PCDHB9: variants seen among roughly 807,000 people sequenced by gnomAD.
PCDHB9 encodes protocadherin beta-9.
For synonymous variants in PCDHB9, 501 were observed against 439.7 expected (o/e 1.14, Z -1.75); for missense variants, 1,072 against 995.1 (o/e 1.08, Z -1.04).
Position 141,189,677 on chromosome 5 carries a change from T to G in PCDHB9, c.2359T>G (p.Ser787Ala). ...GGGTGGGAAAGAAATAGAGGAAAATTCTACTCTCCCCAATAGCTTTGGATT... is the reference window on the plus strand; with the variant it reads ...GGGTGGGAAAGAAATAGAGGAAAATGCTACTCTCCCCAATAGCTTTGGATT... ...HRGGKEIEEN[S>A]TLPNSFGFNY Residue 787 changes from serine (S) to alanine (A), a missense_variant, in exon 1 of 1, where the codon TCT becomes GCT. Physicochemically the swap from Ser to Ala is moderately conservative, Grantham distance 99. Coordinates refer to ENST00000316105, the MANE Select transcript of PCDHB9 (RefSeq NM_019119.5). The G allele has an allele frequency of 6.2e-7, 1 of 1,610,554 alleles. No individual in the cohort carries two copies. The highest frequency in any genetic ancestry group is 8.5e-7 in the Non-Finnish European group (1 of 1,178,224).
Position 141,189,633 on chromosome 5 carries a change from C to T in PCDHB9, c.2315C>T (p.Pro772Leu). 1 of 1,614,090 alleles carries T rather than the reference C, an allele frequency of 6.2e-7. No individual in the cohort carries two copies. The highest frequency in any genetic ancestry group is 8.5e-7 in the Non-Finnish European group (1 of 1,180,022). The change falls in exon 1 of 1, where the codon CCC (proline) becomes CTC (leucine). Residue 772 changes from proline to leucine, a missense_variant. Transcript: ENST00000316105. ...GEFKFLKPIT[P>L]HLPPHRGGKE... ...TTCAAGTTCTTGAAGCCGATTACCC[C>T]CCACCTCCCGCCCCATAGGGGTGGG...
In PCDHB9 at chr5:141,189,998, A is replaced by G. The variant is rs992872053; in HGVS notation, c.*286A>G. 2 of 276,358 alleles carry G rather than the reference A, an allele frequency of 7.2e-6. No individual in the cohort carries two copies. Among genetic ancestry groups the G allele is most frequent in the Non-Finnish European group, 6.7e-6 (1 of 149,468 alleles). 17.1% of individuals were successfully genotyped at this position (276,358 alleles called of 1,614,324 possible). ...TTGACTTTAAATTCATTGCCTCTAC[A>G]TTATTCATTAGTTCTTCTTTTCCTA... On this transcript the variant is annotated 3_prime_UTR_variant, in exon 1 of 1. Transcript: ENST00000316105.
chr5:141,187,960 G>C lies in PCDHB9; in HGVS notation c.642G>C (p.Ala214=), dbSNP rs782456111. Reference sequence around the variant, plus strand: ...AAGAGCTCAGCTTAACCCTCACAGCGCTGGATGGTGGGTCTCCATCCAGGT... The same window carrying C: ...AAGAGCTCAGCTTAACCCTCACAGCCCTGGATGGTGGGTCTCCATCCAGGT... ...EQEELSLTLT[A]LDGGSPSRSG... is the part of the protein sequence containing the mutation. Residue 214 remains alanine (A), a synonymous_variant, in exon 1 of 1, where the codon GCG becomes GCC. Transcript: ENST00000316105. The C allele has an allele frequency of 1.2e-5, 19 of 1,614,024 alleles. No homozygotes were observed. The African/African-American group carries it at 1.9e-4, about 16-fold the overall frequency.
Position 141,188,399 on chromosome 5 carries a change from C to G in PCDHB9, c.1081C>G (p.Pro361Ala), listed in dbSNP as rs17844514. 1.2e-6 allele frequency: 2 copies of G among 1,613,990 alleles called. No individual in the cohort carries two copies. The highest frequency in any genetic ancestry group is 1.3e-5 in the African/African-American group (1 of 74,920). Residue 361 changes from proline to alanine, a missense_variant, in exon 1 of 1, where the codon CCT becomes GCT. Physicochemically the swap from Pro to Ala is conservative, Grantham distance 27. Coordinates refer to ENST00000316105, the MANE Select transcript of PCDHB9 (RefSeq NM_019119.5). The part of the protein sequence containing the change: ...SLSNSVAENS[P>A]GIVLAVFKIK... The stretch of plus-strand genomic sequence containing the variant: ...TTCCAACTCTGTTGCTGAAAACTCT[C>G]CTGGGATAGTATTGGCTGTTTTTAA...
In PCDHB9 at chr5:141,187,244, C is replaced by G; in HGVS notation, c.-75C>G. 1.4e-6 allele frequency: 2 copies of G among 1,448,220 alleles called. No individual in the cohort carries two copies. Among genetic ancestry groups the G allele is most frequent in the Non-Finnish European group, 9.4e-7 (1 of 1,059,574 alleles). 89.7% of individuals were successfully genotyped at this position (1,448,220 alleles called of 1,614,324 possible). On this transcript the variant is annotated 5_prime_UTR_variant, in exon 1 of 1. Transcript: ENST00000316105. Reference sequence around the variant, plus strand: ...TTAAAAACCCTAGATCTCTGGTACACATAAGTCTGGGTTTGCGATTGCTAT... The same window carrying G: ...TTAAAAACCCTAGATCTCTGGTACAGATAAGTCTGGGTTTGCGATTGCTAT...
In PCDHB9 at chr5:141,187,420, G is replaced by A; in HGVS notation, c.102G>A (p.Ser34=). The A allele has an allele frequency of 6.2e-7, 1 of 1,614,008 alleles. No individual in the cohort carries two copies. The highest frequency in any genetic ancestry group is 8.5e-7 in the Non-Finnish European group (1 of 1,179,998). ...CAGGTTCTGGGTTTGGACGTTATTCGGTGACTGAGGAAACAGAGAAAGGAT... is the reference window on the plus strand; with the variant it reads ...CAGGTTCTGGGTTTGGACGTTATTCAGTGACTGAGGAAACAGAGAAAGGAT... ...SLAGSGFGRY[S]VTEETEKGSF... The change falls in exon 1 of 1, where the codon TCG becomes TCA. Residue 34 remains serine, a synonymous_variant. Coordinates refer to ENST00000316105, the MANE Select transcript of PCDHB9 (RefSeq NM_019119.5).
Position 141,188,359 on chromosome 5 carries a change from G to A in PCDHB9, c.1041G>A (p.Leu347=). ...VLDSNDNPPE[L]IISSLSNSVA... Reference sequence around the variant, plus strand: ...ATTCCAATGACAATCCTCCTGAACTGATCATATCATCACTTTCCAACTCTG... The same window carrying A: ...ATTCCAATGACAATCCTCCTGAACTAATCATATCATCACTTTCCAACTCTG... The change falls in exon 1 of 1, where the codon CTG becomes CTA. Residue 347 remains leucine, a synonymous_variant. Transcript: ENST00000316105. 1 of 1,614,136 alleles carries A rather than the reference G, an allele frequency of 6.2e-7. No homozygotes were observed. Among genetic ancestry groups the A allele is most frequent in the Non-Finnish European group, 8.5e-7 (1 of 1,180,022 alleles).
chr5:141,189,353 G>A lies in PCDHB9; in HGVS notation c.2035G>A (p.Ala679Thr), dbSNP rs551882404. The stretch of plus-strand genomic sequence containing the variant: ...CCTGCCTCTCCCGGAGGCGGCCCCG[G>A]CCCAGGCCCAGGCCGACTTGCTCAC... Reference protein sequence around the residue: ...PYLPLPEAAPAQAQADLLTVY... With the variant: ...PYLPLPEAAPTQAQADLLTVY... Residue 679 changes from alanine (A) to threonine (T), a missense_variant, in exon 1 of 1, where the codon GCC becomes ACC. Physicochemically the swap from Ala to Thr is moderately conservative, Grantham distance 58 (BLOSUM62 0). Coordinates refer to ENST00000316105, the MANE Select transcript of PCDHB9 (RefSeq NM_019119.5). 4.8e-5 allele frequency: 78 copies of A among 1,611,322 alleles called. No homozygotes were observed. The highest frequency in any genetic ancestry group is 3.8e-4 in the Middle Eastern group (2 of 5,252).
rs782716528 is a variant in PCDHB9 at position 141,188,099 on chromosome 5, A to G, written c.781A>G (p.Ile261Val). ...APENSPVGSL[I>V]VKVSAGDADS... is the part of the protein sequence containing the mutation. ...AGAAAACAGTCCAGTAGGGTCCCTTATTGTTAAAGTGTCTGCAGGAGATGC... is the reference window on the plus strand; with the variant it reads ...AGAAAACAGTCCAGTAGGGTCCCTTGTTGTTAAAGTGTCTGCAGGAGATGC... Residue 261 changes from isoleucine (I) to valine (V), a missense_variant, in exon 1 of 1, where the codon ATT (isoleucine) becomes GTT (valine). Physicochemically the swap from Ile to Val is conservative, Grantham distance 29 (BLOSUM62 3). Coordinates refer to ENST00000316105, the MANE Select transcript of PCDHB9 (RefSeq NM_019119.5). 2.5e-6 allele frequency: 4 copies of G among 1,613,414 alleles called. No individual in the cohort carries two copies. The Admixed American group carries it at 5.0e-5, about 20-fold the overall frequency.
rs925761501 is a variant in PCDHB9 at position 141,190,045 on chromosome 5, A to C, written c.*333A>C. 4.9e-6 allele frequency: 1 copy of C among 204,122 alleles called. No individual in the cohort carries two copies. The highest frequency in any genetic ancestry group is 9.7e-6 in the Non-Finnish European group (1 of 103,048). 12.6% of individuals were successfully genotyped at this position (204,122 alleles called of 1,614,324 possible). On this transcript the variant is annotated 3_prime_UTR_variant, in exon 1 of 1. Coordinates refer to ENST00000316105, the MANE Select transcript of PCDHB9 (RefSeq NM_019119.5). ...CCTAAAACTTTTTACTTGTTAAAAT[A>C]GTCTGCTGCATGTAATATGTGCTTT...
In PCDHB9 at chr5:141,188,248, G is replaced by A. The variant is rs1753790315; in HGVS notation, c.930G>A (p.Glu310=). The stretch of plus-strand genomic sequence containing the variant: ...TTCTCAGAGAATTGCTTGATTATGA[G>A]TTAGTAAATTCTTACAAAATAAATA... ...EIFLRELLDY[E]LVNSYKINIQ... is the part of the protein sequence containing the mutation. The change falls in exon 1 of 1, where the codon GAG becomes GAA. Residue 310 remains glutamate (E), a synonymous_variant. Coordinates refer to ENST00000316105, the MANE Select transcript of PCDHB9 (RefSeq NM_019119.5). 1.9e-6 allele frequency: 3 copies of A among 1,613,968 alleles called. No homozygotes were observed. The highest frequency in any genetic ancestry group is 2.5e-6 in the Non-Finnish European group (3 of 1,179,950).
rs959999146 is a variant in PCDHB9 at position 141,189,755 on chromosome 5, C to A, written c.*43C>A. On this transcript the variant is annotated 3_prime_UTR_variant, in exon 1 of 1. Coordinates refer to ENST00000316105, the MANE Select transcript of PCDHB9 (RefSeq NM_019119.5). ...AAGACATTTACTTCTTTAATATATT[C>A]TTGTTGGCTAACTAAATTGTGTATG... 3 of 1,490,136 alleles carry A rather than the reference C, an allele frequency of 2.0e-6. No homozygotes were observed. Among genetic ancestry groups the A allele is most frequent in the Middle Eastern group, 1.8e-4 (1 of 5,538 alleles). The allele number at this position is 1,490,136 out of a possible 1,614,324, so 92.3% of individuals were successfully genotyped here.
chr5:141,187,228 C>CT lies in PCDHB9; in HGVS notation c.-90dup. ...ATTGGGAAAGGAAAAATTAAAAACCCTAGATCTCTGGTACACATAAGTCTG... is the reference window on the plus strand; with the variant it reads ...ATTGGGAAAGGAAAAATTAAAAACCCTTAGATCTCTGGTACACATAAGTCTG... On this transcript the variant is annotated 5_prime_UTR_variant, in exon 1 of 1. Transcript: ENST00000316105. 1 of 1,378,700 alleles carries CT rather than the reference C, an allele frequency of 7.3e-7. No homozygotes were observed. The highest frequency in any genetic ancestry group is 9.9e-7 in the Non-Finnish European group (1 of 1,006,038). 85.4% of individuals were successfully genotyped at this position (1,378,700 alleles called of 1,614,324 possible).
Position 141,188,627 on chromosome 5 carries a change from A to C in PCDHB9, c.1309A>C (p.Ile437Leu), listed in dbSNP as rs1337253566. ...ACCCAGGCTGAAAACCGAGCACAGC[A>C]TAACCCTGCAGGTCTCCGACGTCAA... is the stretch of plus-strand genomic sequence containing the variant. ...GTPRLKTEHS[I>L]TLQVSDVNDN... is the part of the protein sequence containing the mutation. The change falls in exon 1 of 1, where the codon ATA becomes CTA. Residue 437 changes from isoleucine to leucine, a missense_variant. By Grantham distance (5) the Ile-to-Leu change is conservative. Coordinates refer to ENST00000316105, the MANE Select transcript of PCDHB9 (RefSeq NM_019119.5). 3 of 1,614,088 alleles carry C rather than the reference A, an allele frequency of 1.9e-6. No homozygotes were observed. Among genetic ancestry groups the C allele is most frequent in the Non-Finnish European group, 2.5e-6 (3 of 1,180,040 alleles).
In PCDHB9 at chr5:141,189,328, C is replaced by T. The variant is rs782600024; in HGVS notation, c.2010C>T (p.Tyr670=). ...TGGTGGACGGCTTCTCCCAGCCCTA[C>T]CTGCCTCTCCCGGAGGCGGCCCCGG... is the stretch of plus-strand genomic sequence containing the variant. The part of the protein sequence containing the change: ...VLLVDGFSQP[Y]LPLPEAAPAQ... The change falls in exon 1 of 1, where the codon TAC becomes TAT. Residue 670 remains tyrosine (Y), a synonymous_variant. Coordinates refer to ENST00000316105, the MANE Select transcript of PCDHB9 (RefSeq NM_019119.5). 3.1e-6 allele frequency: 5 copies of T among 1,610,760 alleles called. No homozygotes were observed. Among genetic ancestry groups the T allele is most frequent in the Non-Finnish European group, 4.2e-6 (5 of 1,179,774 alleles).
Position 141,188,396 on chromosome 5 carries a change from T to G in PCDHB9, c.1078T>G (p.Ser360Ala). 6.2e-7 allele frequency: 1 copy of G among 1,614,082 alleles called. No individual in the cohort carries two copies. The highest frequency in any genetic ancestry group is 8.5e-7 in the Non-Finnish European group (1 of 1,179,986). The change falls in exon 1 of 1, where the codon TCT (serine) becomes GCT (alanine). Residue 360 changes from serine to alanine, a missense_variant. Ser to Ala is a moderately conservative substitution (Grantham distance 99). Transcript: ENST00000316105. ...SSLSNSVAEN[S>A]PGIVLAVFKI... ...ACTTTCCAACTCTGTTGCTGAAAAC[T>G]CTCCTGGGATAGTATTGGCTGTTTT...
At position 141,189,611 on chromosome 5, in the gene PCDHB9, A is replaced by C. The variant is rs782009281; in HGVS notation, c.2293A>C (p.Lys765Gln). The change falls in exon 1 of 1, where the codon AAG becomes CAG. Residue 765 changes from lysine (K) to glutamine (Q), a missense_variant. By Grantham distance (53) the Lys-to-Gln change is moderately conservative (BLOSUM62 1). Transcript: ENST00000316105. ...LTGGSETGEF[K>Q]FLKPITPHLP... ...TGGAGGTTCAGAGACCGGCGAGTTC[A>C]AGTTCTTGAAGCCGATTACCCCCCA... The C allele has an allele frequency of 6.6e-5, 107 of 1,613,858 alleles. No individual in the cohort carries two copies. Among genetic ancestry groups the C allele is most frequent in the Non-Finnish European group, 8.3e-5 (98 of 1,180,018 alleles).
At position 141,188,999 on chromosome 5, in the gene PCDHB9, G is replaced by A. The variant is rs1199157738; in HGVS notation, c.1681G>A (p.Val561Met). ...GGACGCCAACGACAACTCGCCCTTCGTGCTGTACCCGCTGCAGAACGGCTC... is the reference window on the plus strand; with the variant it reads ...GGACGCCAACGACAACTCGCCCTTCATGCTGTACCCGCTGCAGAACGGCTC... ...VLDANDNSPF[V>M]LYPLQNGSAP... Residue 561 changes from valine to methionine, a missense_variant, in exon 1 of 1, where the codon GTG becomes ATG. Coordinates refer to ENST00000316105, the MANE Select transcript of PCDHB9 (RefSeq NM_019119.5). 43 of 1,611,062 alleles carry A rather than the reference G, an allele frequency of 2.7e-5. No individual in the cohort carries two copies. The highest frequency in any genetic ancestry group is 3.6e-5 in the Non-Finnish European group (42 of 1,179,742).
rs371631852 is a variant in PCDHB9 at position 141,189,568 on chromosome 5, G to A, written c.2250G>A (p.Gln750=). Residue 750 remains glutamine, a synonymous_variant, in exon 1 of 1, where the codon CAG becomes CAA. Coordinates refer to ENST00000316105, the MANE Select transcript of PCDHB9 (RefSeq NM_019119.5). ...SGTGTLFQSY[Q]YEVCLTGGSE... The stretch of plus-strand genomic sequence containing the variant: ...CCGGGACCCTGTTCCAGAGCTACCA[G>A]TACGAGGTGTGTCTGACTGGAGGTT... 5 of 1,614,136 alleles carry A rather than the reference G, an allele frequency of 3.1e-6. No homozygotes were observed. The highest frequency in any genetic ancestry group is 2.2e-5 in the South Asian group (2 of 91,084).
Sources: allele counts gnomAD v4.1 joint callset, GRCh38; gene constraint gnomAD v4.1.1; transcripts MANE v1.5; gene names NCBI Gene and HGNC (gene_info 2026-07-23, HGNC 2026-07-21).